SLC4A9: variants seen among roughly 807,000 people sequenced by gnomAD.
SLC4A9 encodes the protein anion exchange protein 4.
SLC4A9 carries 102 observed loss-of-function variants against 103.2 expected under a neutral mutation model. That is an observed-to-expected ratio of 0.99 (90% CI 0.84 to 1.17). The LOEUF is 1.17. SLC4A9 is among the 50% of genes most tolerant of loss of function. SLC4A9 has a pLI of 0.00. For synonymous variants in SLC4A9, 453 were observed against 483.6 expected (o/e 0.94, Z 0.83); for missense variants, 1,091 against 1,193.7 (o/e 0.91, Z 1.27).
At chr5:140,361,095 T>A in intron 2 of SLC4A9, 123 bp downstream of exon 2, 1 of 1,207,206 alleles carries the variant, frequency 8.3e-7, no homozygotes, top group Non-Finnish European at 1.2e-6. Context: ...TCTACCCTTG[T>A]CACAGGGTGG....
At chr5:140,361,987 T>G in intron 4 of SLC4A9, 30 bp from the exon 5 acceptor site, 1 of 1,613,756 alleles carries the variant, frequency 6.2e-7, no homozygotes, top group Non-Finnish European at 8.5e-7. Context: ...TAACCTTTCA[T>G]ATTCTGTGTC....
chr5:140,361,041 G>A, intron 2 of SLC4A9, 69 bp downstream of exon 2: 2 of 1,431,624 alleles, frequency 1.4e-6, no homozygotes, highest in Middle Eastern at 2.3e-4. Flanking sequence ...CCCCTCCAAA[G>A]TCTTGAAATC....
At position 140,363,570 on chromosome 5, in the gene SLC4A9, G is replaced by C; in HGVS notation, c.1079+15G>C. On this transcript the variant is annotated intron_variant, in intron 8 of 21. Coordinates refer to ENST00000506757, the MANE Select transcript of SLC4A9 (RefSeq NM_031467.3). The surrounding 1 kb of genome is among the most constrained non-coding windows in gnomAD (Gnocchi z 4.5). ...CGGACCGGCAGGTGAGGCGAGCTGG[G>C]AGGAAACAAGGGTAGGTGACCTGGG... is the stretch of plus-strand genomic sequence containing the variant. 1 of 1,552,840 alleles carries C rather than the reference G, an allele frequency of 6.4e-7. No individual in the cohort carries two copies. The highest frequency in any genetic ancestry group is 2.4e-5 in the East Asian group (1 of 41,014).
At chr5:140,366,114 C>A (rs1182029643) in intron 13 of SLC4A9, 37 bp from the exon 14 acceptor site, 12 of 1,607,418 alleles carry the variant, frequency 7.5e-6, no homozygotes, top group South Asian at 1.1e-5. Context: ...AGAGAGATGG[C>A]AGGCCTGGAC....
At position 140,361,351 on chromosome 5, in the gene SLC4A9, C is replaced by T. The variant is rs1767052805; in HGVS notation, c.489C>T (p.Gly163=). ...QRPQHYNQTT[G]TRPCWGSTHP... Reference sequence around the variant, plus strand: ...CCCAGCATTACAACCAGACCACAGGCACCAGGCCCTGCTGGGGTGAGAGCC... The same window carrying T: ...CCCAGCATTACAACCAGACCACAGGTACCAGGCCCTGCTGGGGTGAGAGCC... The change falls in exon 3 of 22, where the codon GGC becomes GGT. Residue 163 remains glycine, a synonymous_variant. Coordinates refer to ENST00000506757, the MANE Select transcript of SLC4A9 (RefSeq NM_031467.3). 6 of 1,557,804 alleles carry T rather than the reference C, an allele frequency of 3.9e-6. No individual in the cohort carries two copies. Among genetic ancestry groups the T allele is most frequent in the Non-Finnish European group, 5.2e-6 (6 of 1,150,548 alleles).
At chr5:140,367,996 GGTGT>G in intron 16 of SLC4A9, 98 bp downstream of exon 16, 1 of 1,303,818 alleles carries the variant, frequency 7.7e-7, no homozygotes, top group Non-Finnish European at 1.1e-6. Context: ...ATTCTAAGCT[GGTGT>G]CCCACAAGCA....
intron 18 of SLC4A9, 140 bp downstream of exon 18, chr5:140,371,303 ACT>A (rs1768687569): frequency 1.4e-6 from 2 of 1,379,508 alleles, no homozygotes; most frequent in Admixed American, 3.7e-5. Context: ...TTTCCCTCTT[ACT>A]CTCTTTTTCC....
chr5:140,368,781 G>T, intron 17 of SLC4A9, 122 bp downstream of exon 17: 1 of 727,384 alleles, frequency 1.4e-6, no homozygotes, highest in Non-Finnish European at 2.3e-6. Flanking sequence ...CTCCATACAT[G>T]GTCTCATTTA....
intron 17 of SLC4A9, 48 bp downstream of exon 17, chr5:140,368,707 G>C (rs371797349): frequency 6.6e-7 from 1 of 1,523,300 alleles, no homozygotes; most frequent in Non-Finnish European, 9.0e-7. Flanking sequence ...AGTAATAATA[G>C]GAGCACAGCA....
chr5:140,369,754 C>T (rs1239850691), intron 17 of SLC4A9, among the ~76,000 whole-genome samples: 2 of 152,166 alleles, frequency 1.3e-5, no homozygotes, highest in African/African-American at 2.4e-5. Context: ...GTAATCCCAG[C>T]ACTTTGGGAG....
intron 6 of SLC4A9, 29 bp downstream of exon 6, chr5:140,362,561 C>A (rs114286458): frequency 6.2e-7 from 1 of 1,601,298 alleles, no homozygotes; most frequent in Non-Finnish European, 8.6e-7. Context: ...TGTGTGTGCG[C>A]GCGCACGCGT....
chr5:140,365,740 T>C (rs926268972), intron 12 of SLC4A9, 94 bp from the exon 13 acceptor site: 11 of 1,457,246 alleles, frequency 7.5e-6, no homozygotes, highest in Non-Finnish European at 1.0e-5. Context: ...GCCCCTGGTG[T>C]CTCTGTGGGT....
chr5:140,362,764 C>T lies in SLC4A9; in HGVS notation c.808-148C>T, dbSNP rs1337583782. On this transcript the variant is annotated intron_variant, in intron 6 of 21. Coordinates refer to ENST00000506757, the MANE Select transcript of SLC4A9 (RefSeq NM_031467.3). The stretch of plus-strand genomic sequence containing the variant: ...ACTGTAGGCACTCAATAGATACCCA[C>T]TGAATGAATGAATTAATGCATGCAT... The T allele has an allele frequency of 3.6e-6, 4 of 1,110,862 alleles. No homozygotes were observed. The East Asian group carries it at 9.4e-5, about 26-fold the overall frequency. The allele number at this position is 1,110,862 out of a possible 1,614,324, so 68.8% of individuals were successfully genotyped here. A position where few individuals can be genotyped will look rare whatever the true frequency, so the allele number is the denominator to read the frequency against.
In SLC4A9 at chr5:140,364,573, GA is replaced by G; in HGVS notation, c.1601del (p.Lys534SerfsTer24). The G allele has an allele frequency of 6.2e-7, 1 of 1,603,356 alleles. No individual in the cohort carries two copies. The highest frequency in any genetic ancestry group is 2.2e-5 in the East Asian group (1 of 44,502). On this transcript the variant is annotated frameshift_variant, in exon 11 of 22. Coordinates refer to ENST00000506757, the MANE Select transcript of SLC4A9 (RefSeq NM_031467.3). LOFTEE classifies it high-confidence loss of function. ...ACTTGACCCATACCTATCCTATCCA[GA>G]AGCCTGGGTCCTCTGCCTACGGGTG... ...LNLTHTYPIQKPGSSAYGCLC... is the reference protein window; with the variant it reads ...LNLTHTYPIQXPGSSAYGCLC...
chr5:140,374,692 T>C (rs1245546252), intron 21 of SLC4A9, 135 bp from the exon 22 acceptor site: 1 of 152,230 alleles, frequency 6.6e-6, no homozygotes, highest in Non-Finnish European at 1.5e-5. Flanking sequence ...CCTTATCTCT[T>C]ATCACTCTTT....
At chr5:140,366,099 GA>G in intron 13 of SLC4A9, 51 bp from the exon 14 acceptor site, 2 of 1,607,952 alleles carry the variant, frequency 1.2e-6, no homozygotes, top group Non-Finnish European at 1.7e-6. Flanking sequence ...AAGTGGTGTG[GA>G]AAAAGAGAGA....
intron 21 of SLC4A9, among the ~76,000 whole-genome samples, chr5:140,373,874 A>G (rs1042439467): frequency 1.3e-5 from 2 of 152,158 alleles, no homozygotes; most frequent in African/African-American, 2.4e-5. Context: ...ACAAAAGCCT[A>G]CAACTGGTTG....
rs375381890 is a variant in SLC4A9 at position 140,364,392 on chromosome 5, G to A, written c.1418G>A (p.Arg473His). The A allele has an allele frequency of 1.5e-4, 241 of 1,613,258 alleles. No individual in the cohort carries two copies. Among genetic ancestry groups the A allele is most frequent in the Non-Finnish European group, 1.9e-4 (229 of 1,179,860 alleles). The change falls in exon 11 of 22, where the codon CGC (arginine) becomes CAC (histidine). Residue 473 changes from arginine (R) to histidine (H), a missense_variant. Arg to His is a conservative substitution (Grantham distance 29). Transcript: ENST00000506757. ...RDYSLDYLPFRLWVGIWVATF... is the reference protein window; with the variant it reads ...RDYSLDYLPFHLWVGIWVATF... The stretch of plus-strand genomic sequence containing the variant: ...TACAGCCTGGACTACCTGCCCTTCC[G>A]CCTATGGGTGGGCATCTGGGTGGCT...
chr5:140,360,880 TG>T lies in SLC4A9; in HGVS notation c.301del (p.Ala101HisfsTer33). The T allele has an allele frequency of 6.2e-7, 1 of 1,611,596 alleles. No individual in the cohort carries two copies. Among genetic ancestry groups the T allele is most frequent in the Non-Finnish European group, 8.5e-7 (1 of 1,179,332 alleles). Reference sequence around the variant, plus strand: ...TGGAGTGCCCCCCACGTGCCCACCCTGGCACTGCCCAGCCTCCAGAAGCTCC... The same window carrying T: ...TGGAGTGCCCCCCACGTGCCCACCCTGCACTGCCCAGCCTCCAGAAGCTCC... ...GRWSAPHVPT[L>X]ALPSLQKLRS... On this transcript the variant is annotated frameshift_variant, in exon 2 of 22. Coordinates refer to ENST00000506757, the MANE Select transcript of SLC4A9 (RefSeq NM_031467.3). LOFTEE classifies it high-confidence loss of function.
Sources: gnomAD v4.1 joint callset for allele counts (sites outside exome capture counted in the v4.1 genomes callset) on GRCh38, gnomAD v4.1.1 for gene constraint, Gnocchi (gnomAD v3.1) non-coding constraint, MANE v1.5 for transcripts, NCBI Gene and HGNC (gene_info 2026-07-23, HGNC 2026-07-21) for gene names.